The following ITGB4 variants were observed in gnomAD, a reference collection of about 807,000 sequenced individuals.
ITGB4 encodes the protein integrin subunit beta 4.
In ITGB4, 159 loss-of-function variants were observed where a neutral mutation model predicts 207.6. That is an observed-to-expected ratio of 0.77 (90% CI 0.67 to 0.87). The LOEUF (loss-of-function observed/expected upper bound fraction) is 0.87. Ranked by LOEUF, ITGB4 falls within the 40% of genes least tolerant of loss-of-function variation. ITGB4 has a pLI of 0.00. For synonymous variants in ITGB4, 1,020 were observed against 1,062.7 expected (o/e 0.96, Z 0.78); for missense variants, 2,278 against 2,546.8 (o/e 0.89, Z 2.27).
rs905714286 is a variant in ITGB4 at position 75,722,688 on chromosome 17, C to T, written c.-11+1076C>T. Among the ~76,000 whole-genome samples the T allele has an allele frequency of 7.9e-5, 12 of 151,138 alleles. No individual in the cohort carries two copies. Among genetic ancestry groups the T allele is most frequent in the Admixed American group, 4.0e-4 (6 of 15,186 alleles). On this transcript the variant is annotated intron_variant, in intron 1 of 39. Transcript: ENST00000200181. The surrounding 1 kb of genome is among the most constrained non-coding windows in gnomAD (Gnocchi z 6.2). ...GGATAGTGGACAGGAGCAGGTGTGC[C>T]CAGAGGGGTCCCCAGGGGTTGGGAT...
rs927644361 is a variant in ITGB4, at chr17:75,731,685, T to G, written c.1216-127T>G. The G allele has an allele frequency of 1.9e-6, 2 of 1,058,484 alleles. No homozygotes were observed. Among genetic ancestry groups the G allele is most frequent in the Non-Finnish European group, 1.3e-6 (1 of 751,690 alleles). 65.6% of individuals were successfully genotyped at this position (1,058,484 alleles called of 1,614,324 possible). On this transcript the variant is annotated intron_variant, in intron 10 of 39. Transcript: ENST00000200181. The surrounding 1 kb of genome is among the most constrained non-coding windows in gnomAD (Gnocchi z 6.8). ...AGGGAGTTTCCAGCCCTGAGGGAGG[T>G]GAGCAGGAGCTCATTTCAGGGATCC...
intron 26 of ITGB4, chr17:75,746,399 A>C (rs1287966596): frequency 6.6e-6 from 1 of 151,640 alleles, no homozygotes; most frequent in African/African-American, 2.4e-5. Flanking sequence ...CACCCAGCTA[A>C]ATTTTGTATT....
In ITGB4 at chr17:75,750,728, G is replaced by C. The variant is rs774430611; in HGVS notation, c.3523G>C (p.Asp1175His). 6.2e-7 allele frequency: 1 copy of C among 1,613,486 alleles called. No individual in the cohort carries two copies. The highest frequency in any genetic ancestry group is 8.5e-7 in the Non-Finnish European group (1 of 1,180,022). ...GDSESEAHLL[D>H]SKVPSVELTN... is the part of the protein sequence containing the mutation. ...CTCCGAATCCGAAGCCCACCTGCTC[G>C]ACAGCAAGGTGCCCTCAGTGGAGCT... Residue 1175 changes from aspartate (D) to histidine (H), a missense_variant, in exon 29 of 40, where the codon GAC (aspartate) becomes CAC (histidine). Physicochemically the swap from Asp to His is moderately conservative, Grantham distance 81 (BLOSUM62 -1). Coordinates refer to ENST00000200181, the MANE Select transcript of ITGB4 (RefSeq NM_000213.5). This position sits in a 1 kb window ranked among gnomAD's most constrained non-coding sequence, Gnocchi z 5.5.
intron 32 of ITGB4, 40 bp downstream of exon 32, chr17:75,752,617 T>A: frequency 6.2e-7 from 1 of 1,611,308 alleles, no homozygotes; most frequent in Non-Finnish European, 8.5e-7. Context: ...ACAGTGGGGG[T>A]CTTGGGTACA....
chr17:75,739,653 C>T lies in ITGB4; in HGVS notation c.2221-19C>T, dbSNP rs373924334. 3.2e-5 allele frequency: 51 copies of T among 1,613,986 alleles called. No individual in the cohort carries two copies. The highest frequency in any genetic ancestry group is 3.3e-4 in the Middle Eastern group (2 of 6,076). ...GGGCAGCTGTCTCAGGCCTCACCCT[C>T]ACCCACCTTGTCTCCTAGGCCTGCC... On this transcript the variant is annotated intron_variant, in intron 18 of 39. Transcript: ENST00000200181. The surrounding 1 kb of genome is among the most constrained non-coding windows in gnomAD (Gnocchi z 5.4).
chr17:75,754,355 A>G (rs1335279031), intron 33 of ITGB4: 3 of 604,314 alleles, frequency 5.0e-6, no homozygotes, highest in Admixed American at 2.9e-5. Context: ...TCACACCGAT[A>G]GAGTGGCCGG....
intron 16 of ITGB4, 135 bp downstream of exon 16, chr17:75,736,829 C>A: frequency 2.0e-6 from 2 of 982,646 alleles, no homozygotes; most frequent in South Asian, 3.0e-5. Flanking sequence ...AACTCCAGAG[C>A]TGGGAGGGAC....
chr17:75,741,107 G>T (rs1313840547), intron 23 of ITGB4, 102 bp downstream of exon 23: 1 of 1,335,990 alleles, frequency 7.5e-7, no homozygotes, highest in Admixed American at 1.8e-5. Context: ...CATCCCATAG[G>T]AAGGGAGGGT....
Position 75,748,998 on chromosome 17 carries a change from C to G in ITGB4, c.3269C>G (p.Ala1090Gly), listed in dbSNP as rs1309519318. 8 of 1,612,682 alleles carry G rather than the reference C, an allele frequency of 5.0e-6. No homozygotes were observed. Among genetic ancestry groups the G allele is most frequent in the Non-Finnish European group, 2.5e-6 (3 of 1,179,996 alleles). The change falls in exon 27 of 40, where the codon GCC (alanine) becomes GGC (glycine). Residue 1090 changes from alanine to glycine, a missense_variant. Transcript: ENST00000200181. ...HVQLSNPKFGAHLGQPHSTTI... is the reference protein window; with the variant it reads ...HVQLSNPKFGGHLGQPHSTTI... ...CAGCTCAGCAACCCTAAGTTTGGGG[C>G]CCACCTGGGCCAGCCCCACTCCACC...
Position 75,756,636 on chromosome 17 carries a change from C to A in ITGB4, c.4897+19C>A. 1 of 1,612,788 alleles carries A rather than the reference C, an allele frequency of 6.2e-7. No individual in the cohort carries two copies. Among genetic ancestry groups the A allele is most frequent in the Non-Finnish European group, 8.5e-7 (1 of 1,179,864 alleles). ...CTGCCAGGTGAGTTGCCTCCCCCAG[C>A]CCCAGAGCTGCCCCCATCATGCCCA... On this transcript the variant is annotated intron_variant, in intron 36 of 39. Transcript: ENST00000200181.
chr17:75,744,151 G>A (rs1449891450), intron 26 of ITGB4, among the ~76,000 whole-genome samples: 5 of 127,358 alleles, frequency 3.9e-5, no homozygotes, highest in Admixed American at 9.2e-5. Context: ...ACAGAGTTTC[G>A]CTCTTGTTGC....
chr17:75,733,434 A>C (rs2060906565), intron 12 of ITGB4, 56 bp from the exon 13 acceptor site: 1 of 1,443,298 alleles, frequency 6.9e-7, no homozygotes, highest in Non-Finnish European at 9.7e-7. Flanking sequence ...ATGGGACAGC[A>C]AAAGCCCCAG....
rs1225274823 is a variant in ITGB4 at position 75,740,238 on chromosome 17, G to A, written c.2447-120G>A. 27 of 1,215,032 alleles carry A rather than the reference G, an allele frequency of 2.2e-5. No homozygotes were observed. The highest frequency in any genetic ancestry group is 4.4e-5 in the African/African-American group (3 of 67,458). 75.3% of individuals were successfully genotyped at this position (1,215,032 alleles called of 1,614,324 possible). A position where few individuals can be genotyped will look rare whatever the true frequency, so the allele number is the denominator to read the frequency against. ...CTATGAACCTCATGCCTCGGTGTGC[G>A]TGGCCTGCTGGCCAGGCATCCCCTG... On this transcript the variant is annotated intron_variant, in intron 20 of 39. Coordinates refer to ENST00000200181, the MANE Select transcript of ITGB4 (RefSeq NM_000213.5). This position sits in a 1 kb window ranked among gnomAD's most constrained non-coding sequence, Gnocchi z 5.9.
rs2061347513 is a variant in ITGB4 at position 75,750,686 on chromosome 17, T to C, written c.3481T>C (p.Tyr1161His). The C allele has an allele frequency of 1.2e-6, 2 of 1,613,110 alleles. No homozygotes were observed. The highest frequency in any genetic ancestry group is 2.7e-5 in the African/African-American group (2 of 75,018). The change falls in exon 29 of 40, where the codon TAC becomes CAC. Residue 1161 changes from tyrosine (Y) to histidine (H), a missense_variant. Coordinates refer to ENST00000200181, the MANE Select transcript of ITGB4 (RefSeq NM_000213.5). This position sits in a 1 kb window ranked among gnomAD's most constrained non-coding sequence, Gnocchi z 5.5. ...SGKPMGYRVK[Y>H]WIQGDSESEA... Reference sequence around the variant, plus strand: ...CCCCTGTCCCTGGGGGTAGGTAAAGTACTGGATTCAGGGTGACTCCGAATC... The same window carrying C: ...CCCCTGTCCCTGGGGGTAGGTAAAGCACTGGATTCAGGGTGACTCCGAATC...
In ITGB4 at chr17:75,739,579, C is replaced by T; in HGVS notation, c.2221-93C>T. The T allele has an allele frequency of 6.9e-7, 1 of 1,448,072 alleles. No homozygotes were observed. Among genetic ancestry groups the T allele is most frequent in the Non-Finnish European group, 9.7e-7 (1 of 1,031,712 alleles). The allele number at this position is 1,448,072 out of a possible 1,614,324, so 89.7% of individuals were successfully genotyped here. ...TGTCTGGGGAGGCACTGTCACCCCT[C>T]TTGACCATTGGCATGGGGCGGGGTG... On this transcript the variant is annotated intron_variant, in intron 18 of 39. Coordinates refer to ENST00000200181, the MANE Select transcript of ITGB4 (RefSeq NM_000213.5). This position sits in a 1 kb window ranked among gnomAD's most constrained non-coding sequence, Gnocchi z 5.4.
Position 75,730,856 on chromosome 17 carries a change from C to T in ITGB4, c.1003-19C>T, listed in dbSNP as rs759976543. The T allele has an allele frequency of 2.1e-5, 33 of 1,591,070 alleles. No individual in the cohort carries two copies. The highest frequency in any genetic ancestry group is 2.7e-5 in the Non-Finnish European group (31 of 1,161,202). ...TTCATGGAGATGCTTAGCCTGAGAC[C>T]TGGCCTTCTCTCCCGCAGAAGCTTC... On this transcript the variant is annotated intron_variant, in intron 8 of 39. Transcript: ENST00000200181.
chr17:75,748,619 G>A (rs1441330567), intron 26 of ITGB4, among the ~76,000 whole-genome samples: 3 of 151,606 alleles, frequency 2.0e-5, no homozygotes, highest in South Asian at 2.1e-4. Flanking sequence ...GCAGTAAGCC[G>A]AGATCATGCC....
intron 26 of ITGB4, among the ~76,000 whole-genome samples, chr17:75,747,248 G>T (rs1324453366): frequency 6.6e-6 from 1 of 152,184 alleles, no homozygotes; most frequent in Admixed American, 6.5e-5. Flanking sequence ...GGAGGCTGAG[G>T]CAGGTGGATC....
chr17:75,724,822 C>A, intron 2 of ITGB4, 40 bp downstream of exon 2: 1 of 1,525,088 alleles, frequency 6.6e-7, no homozygotes, highest in South Asian at 1.1e-5. Flanking sequence ...CTGGCAGGAT[C>A]ATCCCTTGGG....
Sources: gnomAD v4.1 joint callset for allele counts (sites outside exome capture counted in the v4.1 genomes callset) on GRCh38, gnomAD v4.1.1 for gene constraint, Gnocchi (gnomAD v3.1) non-coding constraint, MANE v1.5 for transcripts, NCBI Gene and HGNC (gene_info 2026-07-23, HGNC 2026-07-21) for gene names.